OSBP2: variants seen among roughly 807,000 people sequenced by gnomAD.
The protein encoded by OSBP2 is oxysterol binding protein 2, also known as oxysterol-binding protein 2.
A neutral mutation model predicts 96.0 loss-of-function variants in OSBP2; 66 were observed. The ratio of observed to expected loss-of-function variants is 0.69; its 90% confidence interval spans 0.56 to 0.84. The LOEUF (loss-of-function observed/expected upper bound fraction) is 0.84. OSBP2 is among the 40% of genes least tolerant of loss of function. The pLI is 0.00. For missense variants in OSBP2, 1,038 were observed against 1,222.7 expected, an observed-to-expected ratio of 0.85 and a Z score of 2.25; for synonymous variants, 525 against 520.9, an observed-to-expected ratio of 1.01 and a Z score of -0.11.
chr22:30,845,305 C>A (rs1218806370), intron 2 of OSBP2, among the ~76,000 whole-genome samples: 1 of 152,116 alleles, frequency 6.6e-6, no homozygotes, highest in Non-Finnish European at 1.5e-5. Flanking sequence ...GTGGTAGGTG[C>A]CTGTAATCCC....
At chr22:30,796,139 A>T (rs2090757577) in intron 2 of OSBP2, among the ~76,000 whole-genome samples, 1 of 152,106 alleles carries the variant, frequency 6.6e-6, no homozygotes, top group Non-Finnish European at 1.5e-5. Context: ...TCATGCAAGG[A>T]AGGCATTGAG....
intron 2 of OSBP2, among the ~76,000 whole-genome samples, chr22:30,865,668 G>A (rs7285842): frequency 0.13 from 18,675 of 145,308 alleles, 1,398 homozygotes; most frequent in African/African-American, 0.21. Flanking sequence ...ACAGTTTTGT[G>A]CAAAAGTGAG....
intron 1 of OSBP2, among the ~76,000 whole-genome samples, chr22:30,739,636 G>T (rs181501604): frequency 6.6e-6 from 1 of 151,800 alleles, no homozygotes; most frequent in Non-Finnish European, 1.5e-5. Context: ...TACCATGCCC[G>T]GCTAATTTTT....
intron 3 of OSBP2, among the ~76,000 whole-genome samples, chr22:30,873,531 CTT>C (rs1186258785): frequency 6.6e-6 from 1 of 152,184 alleles, no homozygotes; most frequent in Non-Finnish European, 1.5e-5. Flanking sequence ...CCCCCAATCT[CTT>C]CCGATCTCAC....
intron 2 of OSBP2, among the ~76,000 whole-genome samples, chr22:30,771,057 T>C (rs1268098970): frequency 1.3e-5 from 2 of 152,288 alleles, no homozygotes; most frequent in African/African-American, 4.8e-5. Context: ...CCAAAGTATA[T>C]ATAGCGAGGA....
At chr22:30,819,536 ATTTTC>A (rs1399791588) in intron 2 of OSBP2, among the ~76,000 whole-genome samples, 3 of 152,070 alleles carry the variant, frequency 2.0e-5, no homozygotes, top group African/African-American at 7.2e-5. Context: ...CAGCTAATAT[ATTTTC>A]TTTAAGGACG....
At chr22:30,855,746 C>A (rs2039066331) in intron 2 of OSBP2, among the ~76,000 whole-genome samples, 1 of 152,150 alleles carries the variant, frequency 6.6e-6, no homozygotes. Context: ...ACAGGGTGAC[C>A]TATTTAAGAG....
intron 1 of OSBP2, among the ~76,000 whole-genome samples, chr22:30,697,539 ATCT>A (rs1204923698): frequency 6.6e-6 from 1 of 152,126 alleles, no homozygotes; most frequent in Non-Finnish European, 1.5e-5. Flanking sequence ...AGCCTCCCAA[ATCT>A]TCTTTTCTTA....
intron 2 of OSBP2, among the ~76,000 whole-genome samples, chr22:30,853,842 C>T (rs1278527684): frequency 6.6e-6 from 1 of 151,462 alleles, no homozygotes; most frequent in African/African-American, 2.4e-5. Flanking sequence ...CATCTCAGCT[C>T]TGCCTCCTCG....
chr22:30,776,592 T>C (rs1347771047), intron 2 of OSBP2, among the ~76,000 whole-genome samples: 1 of 146,424 alleles, frequency 6.8e-6, no homozygotes, highest in East Asian at 2.0e-4. Flanking sequence ...CTGTGCTCAC[T>C]TTTTTTTTTT....
At chr22:30,811,174 C>CCA (rs1555915311) in intron 2 of OSBP2, among the ~76,000 whole-genome samples, 4 of 137,758 alleles carry the variant, frequency 2.9e-5, no homozygotes, top group African/African-American at 5.6e-5. Flanking sequence ...ACCCCCCCCC[C>CCA]ACACATACAT....
At chr22:30,905,612 T>C (rs2040313775) in intron 12 of OSBP2, among the ~76,000 whole-genome samples, 1 of 152,180 alleles carries the variant, frequency 6.6e-6, no homozygotes, top group Non-Finnish European at 1.5e-5. Context: ...AGGTTGGCCA[T>C]GTGAGCATGG....
intron 2 of OSBP2, among the ~76,000 whole-genome samples, chr22:30,859,041 G>A (rs965128923): frequency 6.6e-6 from 1 of 151,898 alleles, no homozygotes; most frequent in African/African-American, 2.4e-5. Flanking sequence ...ACCCCTTCAG[G>A]GCCCCATGGT....
chr22:30,857,450 G>A (rs1036659970), intron 2 of OSBP2, among the ~76,000 whole-genome samples: 2 of 152,340 alleles, frequency 1.3e-5, no homozygotes, highest in Admixed American at 6.5e-5. Flanking sequence ...TGGGTGGGCC[G>A]GAAATAGTCG....
intron 2 of OSBP2, among the ~76,000 whole-genome samples, chr22:30,811,775 G>A (rs2412998): frequency 0.37 from 56,444 of 151,468 alleles, 10,742 homozygotes; most frequent in Non-Finnish European, 0.43. Flanking sequence ...GGCTGGTCTC[G>A]AACTCCTGAC....
Position 30,906,426 on chromosome 22 carries a change from C to A in OSBP2, c.*87C>A. ...CTCAATTTAGTACTGAATGGTCTTT[C>A]TCCCAGCCCATTCCCAGCCCTTCCT... On this transcript the variant is annotated 3_prime_UTR_variant, in exon 14 of 14. Transcript: ENST00000332585. 7.1e-7 allele frequency: 1 copy of A among 1,400,498 alleles called. No individual in the cohort carries two copies. Among genetic ancestry groups the A allele is most frequent in the Non-Finnish European group, 9.5e-7 (1 of 1,051,558 alleles). The allele number at this position is 1,400,498 out of a possible 1,614,324, so 86.8% of individuals were successfully genotyped here. A position where few individuals can be genotyped will look rare whatever the true frequency, so the allele number is the denominator to read the frequency against.
At chr22:30,841,857 C>G (rs1203253776) in intron 2 of OSBP2, among the ~76,000 whole-genome samples, 2 of 152,120 alleles carry the variant, frequency 1.3e-5, no homozygotes, top group East Asian at 1.9e-4. Context: ...AAAAAAATAG[C>G]TGAGAGTTGT....
intron 2 of OSBP2, among the ~76,000 whole-genome samples, chr22:30,852,045 C>T (rs1208190226): frequency 6.6e-6 from 1 of 151,994 alleles, no homozygotes; most frequent in Non-Finnish European, 1.5e-5. Flanking sequence ...ATGTGTTATC[C>T]TTTTTTGCTG....
In OSBP2 at chr22:30,881,026, C is replaced by A. The variant is rs895702350; in HGVS notation, c.1108-6400C>A. On this transcript the variant is annotated intron_variant, in intron 3 of 13. Coordinates refer to ENST00000332585, the MANE Select transcript of OSBP2 (RefSeq NM_030758.4). This position sits in a 1 kb window ranked among gnomAD's most constrained non-coding sequence, Gnocchi z 4.5. ...AGGTGGGGCTGCCCCAGGGCGGAGA[C>A]CCCCCTTGTCTGTCGAGCTTTGTGG... Among the ~76,000 whole-genome samples, 3 of 151,912 alleles carry A rather than the reference C, an allele frequency of 2.0e-5. No individual in the cohort carries two copies. The highest frequency in any genetic ancestry group is 4.4e-5 in the Non-Finnish European group (3 of 67,908).
Sources: allele counts gnomAD v4.1 joint callset (sites outside exome capture counted in the v4.1 genomes callset), GRCh38; gene constraint gnomAD v4.1.1; non-coding constraint Gnocchi (gnomAD v3.1); transcripts MANE v1.5; gene names NCBI Gene and HGNC (gene_info 2026-07-23, HGNC 2026-07-21).